The following ITGA2 variants were observed in gnomAD, a reference collection of about 807,000 sequenced individuals.
ITGA2 encodes integrin subunit alpha 2.
ITGA2 carries 101 observed loss-of-function variants against 146.3 expected under a neutral mutation model. The ratio of observed to expected loss-of-function variants is 0.69; its 90% CI spans 0.59 to 0.81. ITGA2 has a LOEUF of 0.81. Ranked by LOEUF, ITGA2 falls within the 40% of genes least tolerant of loss-of-function variation. The pLI, the probability that ITGA2 is intolerant of heterozygous loss-of-function variation, is 0.00. For synonymous variants in ITGA2, 477 were observed against 487.1 expected (o/e 0.98, Z 0.27); for missense variants, 1,281 against 1,402.7 (o/e 0.91, Z 1.39).
chr5:53,085,542 T>A (rs547987058), intron 27 of ITGA2, among the ~76,000 whole-genome samples: 1 of 152,298 alleles, frequency 6.6e-6, no homozygotes, highest in African/African-American at 2.4e-5. Context: ...ACTTAAACCA[T>A]TATCAATACT....
chr5:53,052,451 G>A (rs1025508120), intron 7 of ITGA2, among the ~76,000 whole-genome samples: 70 of 152,006 alleles, frequency 4.6e-4, no homozygotes, highest in African/African-American at 1.7e-3. Context: ...AACACACTCC[G>A]GTTGTTAAAC....
intron 2 of ITGA2, among the ~76,000 whole-genome samples, chr5:53,027,071 C>G (rs375592858): frequency 3.3e-5 from 5 of 152,096 alleles, no homozygotes; most frequent in East Asian, 1.9e-4. Flanking sequence ...TTTTTAAAAA[C>G]CTGGATAGAA....
chr5:53,029,598 C>CT (rs1743128174), intron 2 of ITGA2, among the ~76,000 whole-genome samples: 1 of 152,220 alleles, frequency 6.6e-6, no homozygotes, highest in Admixed American at 6.5e-5. Flanking sequence ...CGACTGCTCT[C>CT]TGAGTCACTC....
At chr5:53,000,898 T>G (rs13187881) in intron 1 of ITGA2, among the ~76,000 whole-genome samples, 1 of 68,694 alleles carries the variant, frequency 1.5e-5, no homozygotes, top group Non-Finnish European at 3.2e-5. Flanking sequence ...TTTCTTTTTG[T>G]TTTTTTTTTT....
intron 26 of ITGA2, among the ~76,000 whole-genome samples, chr5:53,083,090 A>G (rs1403567557): frequency 3.3e-5 from 5 of 152,142 alleles, no homozygotes; most frequent in Non-Finnish European, 5.9e-5. Flanking sequence ...ATTGCTGATT[A>G]TCTCCTGAGG....
chr5:53,026,237 A>C (rs560181513), intron 1 of ITGA2, among the ~76,000 whole-genome samples: 6 of 152,302 alleles, frequency 3.9e-5, no homozygotes, highest in African/African-American at 1.4e-4. Flanking sequence ...TTTTCGACAG[A>C]TGTTTCATAT....
In ITGA2 at chr5:53,058,028, C is replaced by A; in HGVS notation, c.1100C>A (p.Thr367Asn). 6.2e-7 allele frequency: 1 copy of A among 1,608,746 alleles called. No individual in the cohort carries two copies. The highest frequency in any genetic ancestry group is 8.5e-7 in the Non-Finnish European group (1 of 1,175,876). The change falls in exon 10 of 30, where the codon ACT (threonine) becomes AAT (asparagine). Residue 367 changes from threonine to asparagine, a missense_variant. This residue lies in a region of ITGA2 where 795 missense variants were observed against 841.7 expected (regional missense o/e 0.94). Coordinates refer to ENST00000296585, the MANE Select transcript of ITGA2 (RefSeq NM_002203.4). ...TTTTTAAAATTGAATGTTCCAGGTA[C>A]TGTTCAAGGAGGAGACAACTTTCAG... ...LGEQIFSIEGTVQGGDNFQME... is the reference protein window; with the variant it reads ...LGEQIFSIEGNVQGGDNFQME...
At chr5:53,006,083 G>A (rs1741833173) in intron 1 of ITGA2, among the ~76,000 whole-genome samples, 2 of 152,054 alleles carry the variant, frequency 1.3e-5, no homozygotes, top group Non-Finnish European at 2.9e-5. Flanking sequence ...GGGAGAGAGA[G>A]CATCAGGATA....
At chr5:53,086,387 G>A (rs1350875189) in intron 27 of ITGA2, among the ~76,000 whole-genome samples, 1 of 152,128 alleles carries the variant, frequency 6.6e-6, no homozygotes, top group East Asian at 1.9e-4. Flanking sequence ...GATATAACAA[G>A]CTGAAAGGTT....
chr5:53,022,736 G>A (rs932374963), intron 1 of ITGA2, among the ~76,000 whole-genome samples: 2 of 152,020 alleles, frequency 1.3e-5, no homozygotes, highest in Admixed American at 6.6e-5. Context: ...CCACCTAATT[G>A]TCTATTTTTT....
At chr5:53,081,163 A>G (rs1745898368) in intron 25 of ITGA2, among the ~76,000 whole-genome samples, 1 of 152,148 alleles carries the variant, frequency 6.6e-6, no homozygotes, top group Non-Finnish European at 1.5e-5. Context: ...TCTAACACGC[A>G]ACCTGGGCTG....
chr5:53,022,387 G>C (rs757344155), intron 1 of ITGA2, among the ~76,000 whole-genome samples: 2 of 152,124 alleles, frequency 1.3e-5, no homozygotes, highest in Non-Finnish European at 2.9e-5. Context: ...TAGAACAAAA[G>C]TAGGTTAACT....
intron 7 of ITGA2, among the ~76,000 whole-genome samples, chr5:53,054,221 A>G (rs1429641931): frequency 6.6e-6 from 1 of 152,186 alleles, no homozygotes; most frequent in Non-Finnish European, 1.5e-5. Flanking sequence ...TCTCTGATGA[A>G]TATTAACAAA....
chr5:53,009,328 C>A (rs1387779887), intron 1 of ITGA2, among the ~76,000 whole-genome samples: 3 of 152,000 alleles, frequency 2.0e-5, no homozygotes, highest in Admixed American at 2.0e-4. Context: ...CTGTAGATTG[C>A]CTTGAGGAGA....
At chr5:53,022,823 C>CT (rs756029296) in intron 1 of ITGA2, among the ~76,000 whole-genome samples, 1 of 152,140 alleles carries the variant, frequency 6.6e-6, no homozygotes, top group Non-Finnish European at 1.5e-5. Flanking sequence ...GCCTCAGACT[C>CT]TAAGAAAAAT....
chr5:53,025,341 G>A (rs532767297), intron 1 of ITGA2, among the ~76,000 whole-genome samples: 16 of 152,166 alleles, frequency 1.1e-4, no homozygotes, highest in Non-Finnish European at 2.2e-4. Flanking sequence ...AAAAATAGAT[G>A]TTAAGGAGAA....
Position 53,001,057 on chromosome 5 carries a change from A to G in ITGA2, c.64+11525A>G, listed in dbSNP as rs77813033. 9.1e-3 allele frequency among the ~76,000 whole-genome samples: 1,379 copies of G among 151,976 alleles called. 19 individuals carry two copies. Among genetic ancestry groups the G allele is most frequent in the African/African-American group, 0.031 (1,293 of 41,450 alleles). On this transcript the variant is annotated intron_variant, in intron 1 of 29. Coordinates refer to ENST00000296585, the MANE Select transcript of ITGA2 (RefSeq NM_002203.4). ...GCTGGTAATACAGGTGTGTACCACC[A>G]TGCTGGGCTAATTTTTGTAGTTTTA...
At chr5:52,999,780 G>C (rs1180511059) in intron 1 of ITGA2, among the ~76,000 whole-genome samples, 1 of 152,148 alleles carries the variant, frequency 6.6e-6, no homozygotes, top group South Asian at 2.1e-4. Flanking sequence ...TCAGGGTCTT[G>C]CATCTCAGGC....
At chr5:53,080,403 C>A in intron 24 of ITGA2, 108 bp from the exon 25 acceptor site, 1 of 828,888 alleles carries the variant, frequency 1.2e-6, no homozygotes, top group Non-Finnish European at 2.1e-6. Flanking sequence ...CATTTGGACT[C>A]AGTCTTACCA....
Sources: gnomAD v4.1 joint callset for allele counts (sites outside exome capture counted in the v4.1 genomes callset) on GRCh38, gnomAD v4.1.1 for gene constraint, gnomAD v4.1.1 regional missense constraint, MANE v1.5 for transcripts, NCBI Gene and HGNC (gene_info 2026-07-23, HGNC 2026-07-21) for gene names.